The following TTC3 variants were observed in gnomAD, a reference collection of about 807,000 sequenced individuals.
TTC3 encodes the protein E3 ubiquitin-protein ligase TTC3.
A neutral mutation model predicts 249.6 loss-of-function variants in TTC3; 180 were observed. The observed-to-expected ratio is 0.72, with a 90% CI of 0.64 to 0.82. The LOEUF (loss-of-function observed/expected upper bound fraction) is 0.82, where lower values mean the gene tolerates loss of function less well. Among genes scored for constraint, TTC3 ranks in the 40% least tolerant of loss-of-function variants. The pLI is 0.00. For synonymous variants in TTC3, 717 were observed against 805.0 expected (o/e 0.89, Z 1.85); for missense variants, 2,061 against 2,398.4 (o/e 0.86, Z 2.94).
intron 44 of TTC3, among the ~76,000 whole-genome samples, chr21:37,199,465 A>C (rs1470259982): frequency 6.6e-6 from 1 of 152,172 alleles, no homozygotes; most frequent in African/African-American, 2.4e-5. Context: ...CTCACATCGA[A>C]AGCACTGTCT....
intron 1 of TTC3, among the ~76,000 whole-genome samples, chr21:37,074,186 C>T (rs529855319): frequency 1.3e-5 from 2 of 152,360 alleles, no homozygotes; most frequent in East Asian, 3.9e-4. Flanking sequence ...CGCCGCTCCC[C>T]TCGCCCCCGC....
intron 32 of TTC3, 68 bp from the exon 33 acceptor site, chr21:37,165,482 T>G: frequency 1.6e-6 from 2 of 1,248,988 alleles, no homozygotes; most frequent in Non-Finnish European, 2.2e-6. Flanking sequence ...AGAATAAAAG[T>G]TTTTTTCAAA....
At chr21:37,199,751 G>A (rs1453565055) in intron 44 of TTC3, among the ~76,000 whole-genome samples, 1 of 152,210 alleles carries the variant, frequency 6.6e-6, no homozygotes, top group African/African-American at 2.4e-5. Flanking sequence ...TATGATACAT[G>A]TTGTCTTGTT....
chr21:37,140,909 A>G (rs1407070491), intron 20 of TTC3, among the ~76,000 whole-genome samples: 1 of 152,226 alleles, frequency 6.6e-6, no homozygotes, highest in Non-Finnish European at 1.5e-5. Context: ...CAATATAGTA[A>G]TTTGACATTA....
At chr21:37,111,081 T>G (rs1392118355) in intron 11 of TTC3, among the ~76,000 whole-genome samples, 1 of 152,106 alleles carries the variant, frequency 6.6e-6, no homozygotes, top group African/African-American at 2.4e-5. Flanking sequence ...GAACAACCGG[T>G]ACCAGCCACT....
At chr21:37,201,290 G>T in intron 45 of TTC3, 150 bp from the exon 46 acceptor site, 4 of 937,740 alleles carry the variant, frequency 4.3e-6, no homozygotes, top group Non-Finnish European at 5.1e-6. Flanking sequence ...TGGCCTGAGC[G>T]GGTGTTGGTG....
chr21:37,143,986 T>C (rs1391699253), intron 20 of TTC3, among the ~76,000 whole-genome samples: 2 of 151,174 alleles, frequency 1.3e-5, no homozygotes, highest in African/African-American at 4.9e-5. Flanking sequence ...AGCAAACTGT[T>C]GCAGGGACAA....
At chr21:37,080,121 G>A (rs959066791) in intron 1 of TTC3, among the ~76,000 whole-genome samples, 1 of 151,126 alleles carries the variant, frequency 6.6e-6, no homozygotes, top group Non-Finnish European at 1.5e-5. Context: ...CAACCATTCC[G>A]ATTTCCTAGT....
chr21:37,163,159 C>T (rs889986137), intron 31 of TTC3, among the ~76,000 whole-genome samples: 2 of 152,130 alleles, frequency 1.3e-5, no homozygotes, highest in South Asian at 4.1e-4. Flanking sequence ...ATCCACTTAT[C>T]CTGCCTAGGA....
intron 34 of TTC3, among the ~76,000 whole-genome samples, chr21:37,168,633 T>C (rs1371813654): frequency 6.6e-6 from 1 of 152,176 alleles, no homozygotes; most frequent in African/African-American, 2.4e-5. Context: ...AGATTGGTTC[T>C]CCCTAAAGCT....
rs987441503 is a variant in TTC3 at position 37,200,461 on chromosome 21, G to T, written c.5943+137G>T. 7.6e-6 allele frequency: 7 copies of T among 916,146 alleles called. No individual in the cohort carries two copies. In the African/African-American group the frequency reaches 1.2e-4, roughly 15 times the overall value. 56.8% of individuals were successfully genotyped at this position (916,146 alleles called of 1,614,324 possible). ...TTTTCTTTGCAAACCTCCCGTGTCAGTGTTCAGTGCCTCCCTGTCCTCACA... is the reference window on the plus strand; with the variant it reads ...TTTTCTTTGCAAACCTCCCGTGTCATTGTTCAGTGCCTCCCTGTCCTCACA... On this transcript the variant is annotated intron_variant, in intron 45 of 45. Transcript: ENST00000355666.
intron 18 of TTC3, 97 bp from the exon 19 acceptor site, chr21:37,138,536 AT>A: frequency 1.4e-6 from 1 of 711,824 alleles, no homozygotes; most frequent in Non-Finnish European, 2.4e-6. Flanking sequence ...CGTAAGATTG[AT>A]TAGTGAGATT....
intron 10 of TTC3, 67 bp downstream of exon 10, chr21:37,096,710 C>A: frequency 7.8e-7 from 1 of 1,281,592 alleles, no homozygotes; most frequent in South Asian, 1.3e-5. Context: ...GGAAACGTTT[C>A]TGTTTTTCAG....
At chr21:37,178,404 A>T (rs2148134663) in intron 35 of TTC3, among the ~76,000 whole-genome samples, 1 of 152,328 alleles carries the variant, frequency 6.6e-6, no homozygotes, top group South Asian at 2.1e-4. Flanking sequence ...GCCTGTTCCA[A>T]AACCATCCTA....
chr21:37,173,382 A>C (rs1315912135), intron 35 of TTC3, among the ~76,000 whole-genome samples: 1 of 152,172 alleles, frequency 6.6e-6, no homozygotes, highest in Admixed American at 6.5e-5. Flanking sequence ...AGAACTGTAA[A>C]GTCACCCAGA....
chr21:37,176,169 C>T (rs2082270647), intron 35 of TTC3, among the ~76,000 whole-genome samples: 1 of 152,148 alleles, frequency 6.6e-6, no homozygotes, highest in African/African-American at 2.4e-5. Flanking sequence ...TAACTGGTTG[C>T]AATATTGCTG....
chr21:37,179,284 C>T (rs1282393920), intron 35 of TTC3, among the ~76,000 whole-genome samples: 2 of 152,032 alleles, frequency 1.3e-5, no homozygotes, highest in Non-Finnish European at 2.9e-5. Flanking sequence ...AAGACCCTGT[C>T]TCAAAAAAAC....
At chr21:37,086,340 G>A (rs1024644127) in intron 1 of TTC3, 10 of 152,184 alleles carry the variant, frequency 6.6e-5, no homozygotes, top group African/African-American at 2.4e-4. Flanking sequence ...GCCATTATAT[G>A]GGCAAGAGCT....
intron 17 of TTC3, 128 bp downstream of exon 17, chr21:37,132,894 T>G (rs2077595125): frequency 1.6e-6 from 1 of 627,670 alleles, no homozygotes; most frequent in African/African-American, 1.9e-5. Flanking sequence ...TATTGTAGTT[T>G]TGTAGAGATG....
Sources: allele counts gnomAD v4.1 joint callset (sites outside exome capture counted in the v4.1 genomes callset), GRCh38; gene constraint gnomAD v4.1.1; transcripts MANE v1.5; gene names NCBI Gene and HGNC (gene_info 2026-07-23, HGNC 2026-07-21).